The following DPP10 variants were observed in gnomAD, a reference collection of about 807,000 sequenced individuals.
DPP10 encodes the protein dipeptidyl peptidase like 10, also known as inactive dipeptidyl peptidase 10.
In DPP10, 33 loss-of-function variants were observed where a neutral mutation model predicts 120.9. That is an observed-to-expected ratio of 0.27 (90% CI 0.21 to 0.37). The LOEUF is 0.37. Among genes scored for constraint, DPP10 ranks in the 10% least tolerant of loss-of-function variants. DPP10 has a pLI of 1.00. For synonymous variants in DPP10, 337 were observed against 326.1 expected, an observed-to-expected ratio of 1.03 and a Z score of -0.36; for missense variants, 816 against 942.8, an observed-to-expected ratio of 0.87 and a Z score of 1.76.
intron 2 of DPP10, among the ~76,000 whole-genome samples, chr2:115,310,746 G>A (rs2061543470): frequency 6.6e-6 from 1 of 152,152 alleles, no homozygotes; most frequent in South Asian, 2.1e-4. Flanking sequence ...ATGAGTTTCA[G>A]CATGGTGTTT....
rs560518331 is a variant in DPP10 at position 115,799,916 on chromosome 2, G to A, written c.1700+8560G>A. Among the ~76,000 whole-genome samples, 85 of 152,062 alleles carry A rather than the reference G, an allele frequency of 5.6e-4. 1 individual carries two copies. The highest frequency in any genetic ancestry group is 1.5e-3 in the African/African-American group (64 of 41,440). ...ACATACGTGTGCATGTGTCTTTATA[G>A]CAGCATGATTTATAATCCTTTGGGT... is the stretch of plus-strand genomic sequence containing the variant. On this transcript the variant is annotated intron_variant, in intron 19 of 25. Transcript: ENST00000410059.
chr2:115,039,250 A>G (rs1176763787), intron 1 of DPP10, among the ~76,000 whole-genome samples: 1 of 152,224 alleles, frequency 6.6e-6, no homozygotes, highest in Non-Finnish European at 1.5e-5. Flanking sequence ...ATTGAAGAGA[A>G]TGATATGTCC....
In DPP10 at chr2:114,591,554, A is replaced by ATTTTTTTT. The variant is rs70937292; in HGVS notation, c.60+148727_60+148734dup. On this transcript the variant is annotated intron_variant, in intron 1 of 25. Transcript: ENST00000410059. ...CTCAGAATGTACCCAACCTCTTCCT[A>ATTTTTTTT]TTTTTTTTTTTTTTTTTTGAGATGG... 2.6e-3 allele frequency among the ~76,000 whole-genome samples: 318 copies of ATTTTTTTT among 124,548 alleles called. 12 individuals carry two copies. Among genetic ancestry groups the ATTTTTTTT allele is most frequent in the African/African-American group, 8.2e-3 (259 of 31,654 alleles). 81.7% of individuals were successfully genotyped at this position (124,548 alleles called of 152,430 possible). A position where few individuals can be genotyped will look rare whatever the true frequency, so the allele number is the denominator to read the frequency against.
At chr2:114,993,686 G>A (rs376517694) in intron 1 of DPP10, among the ~76,000 whole-genome samples, 10 of 150,358 alleles carry the variant, frequency 6.7e-5, no homozygotes, top group East Asian at 6.0e-4. Flanking sequence ...TTTACAGAGC[G>A]TGCATATGCT....
intron 7 of DPP10, among the ~76,000 whole-genome samples, chr2:115,719,041 A>T (rs2092577795): frequency 6.6e-6 from 1 of 152,162 alleles, no homozygotes. Context: ...AATGTTTTCA[A>T]TTACCAAAAT....
At chr2:114,603,246 A>T (rs1405507373) in intron 1 of DPP10, among the ~76,000 whole-genome samples, 1 of 152,250 alleles carries the variant, frequency 6.6e-6, no homozygotes, top group African/African-American at 2.4e-5. Context: ...ACACTGAGAG[A>T]TAAATAGGTT....
intron 1 of DPP10, among the ~76,000 whole-genome samples, chr2:115,150,344 C>T (rs1037859688): frequency 6.6e-6 from 1 of 152,122 alleles, no homozygotes; most frequent in East Asian, 1.9e-4. Flanking sequence ...GGGCTATTTT[C>T]TAAAGGAACA....
intron 5 of DPP10, among the ~76,000 whole-genome samples, chr2:115,537,618 AC>A (rs1464563203): frequency 7.0e-6 from 1 of 143,572 alleles, no homozygotes; most frequent in Non-Finnish European, 1.5e-5. Flanking sequence ...AAAAAAACAT[AC>A]TTTGGGCAGT....
Position 114,645,971 on chromosome 2 carries a change from C to G in DPP10, c.60+203133C>G, listed in dbSNP as rs1696091046. Among the ~76,000 whole-genome samples the G allele has an allele frequency of 2.0e-5, 3 of 151,930 alleles. No individual in the cohort carries two copies. The South Asian group carries it at 6.2e-4, about 32-fold the overall frequency. On this transcript the variant is annotated intron_variant, in intron 1 of 25. Coordinates refer to ENST00000410059, the MANE Select transcript of DPP10 (RefSeq NM_020868.6). ...GGTCAGGAGTTTGAGACCAGCCTGA[C>G]CAACATGGTGAAACCCTGTCTCTAC...
intron 1 of DPP10, among the ~76,000 whole-genome samples, chr2:114,495,148 G>A (rs977373621): frequency 6.6e-6 from 1 of 152,098 alleles, no homozygotes; most frequent in Non-Finnish European, 1.5e-5. Flanking sequence ...ACGTTTTCAT[G>A]GGCTATTACA....
At chr2:115,689,812 C>T in intron 6 of DPP10, 28 bp from the exon 7 acceptor site, 1 of 1,612,436 alleles carries the variant, frequency 6.2e-7, no homozygotes, top group Non-Finnish European at 8.5e-7. Flanking sequence ...TCAGTTTGTT[C>T]ATGTAAAAAT....
intron 1 of DPP10, among the ~76,000 whole-genome samples, chr2:114,956,370 A>C (rs569134183): frequency 6.6e-6 from 1 of 151,914 alleles, no homozygotes; most frequent in Non-Finnish European, 1.5e-5. Flanking sequence ...TAAAAAAAAA[A>C]CATGTAGGAG....
At chr2:114,746,684 AT>A (rs554742551) in intron 1 of DPP10, among the ~76,000 whole-genome samples, 48 of 152,272 alleles carry the variant, frequency 3.2e-4, no homozygotes, top group African/African-American at 1.1e-3. Flanking sequence ...CTTCCTTTGC[AT>A]TTGATGAGCA....
intron 1 of DPP10, among the ~76,000 whole-genome samples, chr2:114,568,571 A>G (rs1228500769): frequency 6.6e-6 from 1 of 152,194 alleles, no homozygotes; most frequent in Non-Finnish European, 1.5e-5. Context: ...TATCGCCTCA[A>G]TCCCGAGCCT....
intron 1 of DPP10, among the ~76,000 whole-genome samples, chr2:114,812,583 G>GACAC (rs3036385): frequency 0.031 from 4,138 of 134,474 alleles, 87 homozygotes; most frequent in African/African-American, 0.055. Context: ...GTGAGACATT[G>GACAC]ACACACACAC....
At chr2:114,971,163 G>T (rs1158766340) in intron 1 of DPP10, among the ~76,000 whole-genome samples, 1 of 152,094 alleles carries the variant, frequency 6.6e-6, no homozygotes, top group Non-Finnish European at 1.5e-5. Flanking sequence ...AGCTTAGGGC[G>T]GTCTTGCAAA....
intron 3 of DPP10, among the ~76,000 whole-genome samples, chr2:115,386,291 A>G (rs72957771): frequency 0.016 from 2,376 of 152,270 alleles, 62 homozygotes; most frequent in African/African-American, 0.054. Context: ...TCTTGTATCC[A>G]TATTAGGTTC....
intron 7 of DPP10, among the ~76,000 whole-genome samples, 170 bp downstream of exon 7, chr2:115,690,091 T>C (rs2091229901): frequency 6.6e-6 from 1 of 152,210 alleles, no homozygotes; most frequent in African/African-American, 2.4e-5. Flanking sequence ...CATTAAATGA[T>C]ACTAGTATTA....
intron 1 of DPP10, among the ~76,000 whole-genome samples, chr2:115,223,618 A>G (rs1250245089): frequency 6.6e-6 from 1 of 152,190 alleles, no homozygotes; most frequent in Non-Finnish European, 1.5e-5. Flanking sequence ...TTAAACAAAA[A>G]TATGAAATAA....
Sources: gnomAD v4.1 joint callset for allele counts (sites outside exome capture counted in the v4.1 genomes callset) on GRCh38, gnomAD v4.1.1 for gene constraint, MANE v1.5 for transcripts, NCBI Gene and HGNC (gene_info 2026-07-23, HGNC 2026-07-21) for gene names.